TASP1: variants seen among roughly 807,000 people sequenced by gnomAD.
The protein encoded by TASP1 is taspase 1.
TASP1 carries 16 observed loss-of-function variants against 56.6 expected under a neutral mutation model. That is an observed-to-expected ratio of 0.28 (90% confidence interval 0.19 to 0.43). The LOEUF is 0.43. Among genes scored for constraint, TASP1 ranks in the 20% least tolerant of loss-of-function variants. The pLI, the probability that TASP1 is intolerant of heterozygous loss-of-function variation, is 1.00. For missense variants in TASP1, 393 were observed against 511.6 expected, an observed-to-expected ratio of 0.77 and a Z score of 2.24; for synonymous variants, 179 against 184.2, an observed-to-expected ratio of 0.97 and a Z score of 0.23.
intron 5 of TASP1, among the ~76,000 whole-genome samples, 167 bp from the exon 6 acceptor site, chr20:13,581,148 G>C (rs985006034): frequency 4.6e-5 from 7 of 152,070 alleles, no homozygotes; most frequent in Admixed American, 1.3e-4. Flanking sequence ...TGAGCAATAA[G>C]AGTTAAATCA....
intron 7 of TASP1, among the ~76,000 whole-genome samples, chr20:13,566,656 G>A (rs1406023845): frequency 6.6e-6 from 1 of 152,076 alleles, no homozygotes; most frequent in Non-Finnish European, 1.5e-5. Flanking sequence ...ATATATTAGT[G>A]GCTATCGGGG....
At chr20:13,516,409 CA>C (rs2044534118) in intron 10 of TASP1, among the ~76,000 whole-genome samples, 1 of 152,146 alleles carries the variant, frequency 6.6e-6, no homozygotes, top group East Asian at 1.9e-4. Flanking sequence ...TTCCAATTTT[CA>C]AACATGAAAG....
the TASP1 span, among the ~76,000 whole-genome samples, chr20:13,290,006 G>A: frequency 7.2e-5 from 11 of 152,308 alleles, no homozygotes; most frequent in East Asian, 1.4e-3. Flanking sequence ...GCACAAAGGC[G>A]TTTCTGAGGA....
intron 1 of TASP1, among the ~76,000 whole-genome samples, chr20:13,637,607 T>A (rs1254364558): frequency 6.6e-6 from 1 of 152,192 alleles, no homozygotes; most frequent in Non-Finnish European, 1.5e-5. Flanking sequence ...CTTGAAAACA[T>A]ACTAACTGAA....
At chr20:13,550,155 C>T (rs1292102862) in intron 8 of TASP1, among the ~76,000 whole-genome samples, 1 of 149,918 alleles carries the variant, frequency 6.7e-6, no homozygotes, top group Non-Finnish European at 1.5e-5. Flanking sequence ...CATACACACA[C>T]ACACACACAC....
intron 4 of TASP1, among the ~76,000 whole-genome samples, chr20:13,595,774 A>AT (rs1270882767): frequency 1.3e-5 from 2 of 152,158 alleles, no homozygotes; most frequent in African/African-American, 4.8e-5. Flanking sequence ...CACAATAATA[A>AT]TGGGAGACTT....
chr20:13,636,994 C>T (rs1166317879), intron 1 of TASP1, among the ~76,000 whole-genome samples: 1 of 152,058 alleles, frequency 6.6e-6, no homozygotes, highest in Non-Finnish European at 1.5e-5. Context: ...GAAAATATTG[C>T]AAATCATGTA....
At chr20:13,446,643 A>G (rs1417650382) in intron 11 of TASP1, among the ~76,000 whole-genome samples, 2 of 152,098 alleles carry the variant, frequency 1.3e-5, no homozygotes, top group African/African-American at 4.8e-5. Flanking sequence ...ACTGTCACTT[A>G]GCCCTAAAAA....
chr20:13,370,166 T>A, the TASP1 span, among the ~76,000 whole-genome samples: 1 of 152,164 alleles, frequency 6.6e-6, no homozygotes, highest in Non-Finnish European at 1.5e-5. Flanking sequence ...ATAAAAATTC[T>A]TCAACAAGCA....
intron 8 of TASP1, among the ~76,000 whole-genome samples, chr20:13,545,645 A>ATT (rs34590652): frequency 5.9e-5 from 9 of 151,286 alleles, no homozygotes; most frequent in East Asian, 1.9e-4. Flanking sequence ...GGTGTTACAC[A>ATT]TTTTTTTTTA....
chr20:13,609,092 C>A (rs867859581), intron 4 of TASP1, among the ~76,000 whole-genome samples: 19 of 152,162 alleles, frequency 1.2e-4, no homozygotes, highest in Middle Eastern at 6.8e-3. Flanking sequence ...ATTTCAATAA[C>A]AACCCAAAAA....
chr20:13,325,909 C>T, the TASP1 span, among the ~76,000 whole-genome samples: 584 of 152,210 alleles, frequency 3.8e-3, no homozygotes, highest in African/African-American at 0.013. Flanking sequence ...ATACACACGT[C>T]GACCATCAAA....
At chr20:13,504,515 A>G (rs959744017) in intron 10 of TASP1, among the ~76,000 whole-genome samples, 6 of 152,306 alleles carry the variant, frequency 3.9e-5, no homozygotes, top group Admixed American at 3.3e-4. Flanking sequence ...ACATGAAAAC[A>G]TATCAAGGTA....
chr20:13,223,034 A>C, the TASP1 span, among the ~76,000 whole-genome samples: 1 of 152,060 alleles, frequency 6.6e-6, no homozygotes, highest in Non-Finnish European at 1.5e-5. Flanking sequence ...GTGGTGGCGC[A>C]CGCCTGTAGT....
chr20:13,113,016 C>T, the TASP1 span, among the ~76,000 whole-genome samples: 2 of 152,098 alleles, frequency 1.3e-5, no homozygotes, highest in South Asian at 4.2e-4. Flanking sequence ...AACCCCACCT[C>T]TACTAAAAAG....
chr20:13,623,329 TTGG>T (rs1475783708), intron 4 of TASP1, 114 bp downstream of exon 4: 25 of 725,846 alleles, frequency 3.4e-5, no homozygotes, highest in East Asian at 1.7e-4. Flanking sequence ...TTTGCTAATA[TTGG>T]TGGGAAACAC....
the TASP1 span, chr20:13,110,250 G>A: frequency 2.7e-4 from 428 of 1,580,592 alleles, 2 homozygotes; most frequent in South Asian, 9.5e-4. Context: ...TTTACGACTC[G>A]GAGGCCTGCA....
chr20:13,194,431 T>C, the TASP1 span, among the ~76,000 whole-genome samples: 1 of 152,240 alleles, frequency 6.6e-6, no homozygotes, highest in Admixed American at 6.5e-5. Flanking sequence ...AGTAGAACAT[T>C]CTCAATTGCA....
At chr20:13,270,802 A>T in the TASP1 span, 2 of 1,538,556 alleles carry the variant, frequency 1.3e-6, no homozygotes, top group Admixed American at 3.7e-5. Context: ...TTGTTTTCTG[A>T]TGATTCCAGT....
Sources: allele counts gnomAD v4.1 joint callset (sites outside exome capture counted in the v4.1 genomes callset), GRCh38; gene constraint gnomAD v4.1.1; transcripts MANE v1.5; gene names NCBI Gene and HGNC (gene_info 2026-07-23, HGNC 2026-07-21).